Variants in PIK3AP1 observed in about 807,000 individuals in gnomAD.
The protein encoded by PIK3AP1 is phosphoinositide-3-kinase adaptor protein 1.
In PIK3AP1, 21 loss-of-function variants were observed where a neutral mutation model predicts 88.1. That is an observed-to-expected ratio of 0.24 (90% confidence interval 0.17 to 0.34). The LOEUF is 0.34. PIK3AP1 is among the 10% of genes least tolerant of loss of function. The probability of loss-of-function intolerance (pLI) is 1.00; values close to 1 mark genes in which losing one functional copy is unlikely to be tolerated. For missense variants in PIK3AP1, 828 were observed against 1,035.7 expected (o/e 0.80, Z 2.75); for synonymous variants, 398 against 400.0 (o/e 1.00, Z 0.06).
intron 8 of PIK3AP1, among the ~76,000 whole-genome samples, chr10:96,636,529 TCTAGA>T (rs1301767163): frequency 2.0e-5 from 3 of 152,190 alleles, no homozygotes; most frequent in Non-Finnish European, 4.4e-5. Context: ...GGAGTCTGTT[TCTAGA>T]CAAAGAGCAT....
chr10:96,673,519 T>G (rs1843876311), intron 2 of PIK3AP1, among the ~76,000 whole-genome samples: 1 of 152,192 alleles, frequency 6.6e-6, no homozygotes, highest in South Asian at 2.1e-4. Context: ...AGGCTTCCTC[T>G]TTCTTCATCT....
intron 11 of PIK3AP1, among the ~76,000 whole-genome samples, chr10:96,622,596 T>C (rs958276260): frequency 6.6e-6 from 1 of 152,222 alleles, no homozygotes; most frequent in African/African-American, 2.4e-5. Flanking sequence ...TCTGCCCTTG[T>C]CAAGGCTCTC....
chr10:96,663,690 T>C (rs958335882), intron 2 of PIK3AP1, among the ~76,000 whole-genome samples: 17 of 146,964 alleles, frequency 1.2e-4, no homozygotes, highest in African/African-American at 4.3e-4. Context: ...GTTTAAAAAT[T>C]TGAAGTAAAA....
intron 2 of PIK3AP1, among the ~76,000 whole-genome samples, chr10:96,661,380 C>T (rs1843683808): frequency 6.6e-6 from 1 of 152,150 alleles, no homozygotes; most frequent in Non-Finnish European, 1.5e-5. Flanking sequence ...TGTTATTAGA[C>T]ATTTGTCCAC....
intron 2 of PIK3AP1, among the ~76,000 whole-genome samples, chr10:96,680,414 A>G (rs543262587): frequency 2.0e-4 from 31 of 152,250 alleles, no homozygotes; most frequent in Admixed American, 6.5e-4. Flanking sequence ...CCAGGTACTA[A>G]GCCTAGTATC....
chr10:96,603,205 T>A (rs1848934371), intron 15 of PIK3AP1, among the ~76,000 whole-genome samples: 1 of 152,230 alleles, frequency 6.6e-6, no homozygotes, highest in South Asian at 2.1e-4. Context: ...CATTTTAAAG[T>A]GGACAATTCA....
rs33921990 is a variant in PIK3AP1 at position 96,629,714 on chromosome 10, C to CAAAAA, written c.1376-1226_1376-1222dup. On this transcript the variant is annotated intron_variant, in intron 8 of 16. Coordinates refer to ENST00000339364, the MANE Select transcript of PIK3AP1 (RefSeq NM_152309.3). Reference sequence around the variant, plus strand: ...GCAACACAGTGAGACCCCATCTCTACAAAAAAAAAAAAAAAAAAAGACAGA... The same window carrying CAAAAA: ...GCAACACAGTGAGACCCCATCTCTACAAAAAAAAAAAAAAAAAAAAAAAAGACAGA... 7.0e-4 allele frequency among the ~76,000 whole-genome samples: 50 copies of CAAAAA among 71,152 alleles called. 1 individual carries two copies. Among genetic ancestry groups the CAAAAA allele is most frequent in the Middle Eastern group, 0.012 (1 of 86 alleles). The allele number at this position is 71,152 out of a possible 152,430, so 46.7% of individuals were successfully genotyped here. A position where few individuals can be genotyped will look rare whatever the true frequency, so the allele number is the denominator to read the frequency against.
At chr10:96,601,955 C>A (rs1160625306) in intron 16 of PIK3AP1, among the ~76,000 whole-genome samples, 1 of 152,188 alleles carries the variant, frequency 6.6e-6, no homozygotes. Context: ...ATGATCTCGG[C>A]TCACTGCAAC....
intron 2 of PIK3AP1, among the ~76,000 whole-genome samples, chr10:96,696,632 T>C (rs961393294): frequency 4.6e-5 from 7 of 152,200 alleles, no homozygotes; most frequent in Admixed American, 2.6e-4. Flanking sequence ...CCCCATTATC[T>C]TTCTATGAAC....
intron 11 of PIK3AP1, chr10:96,620,860 C>G: frequency 3.4e-6 from 1 of 290,110 alleles, no homozygotes; most frequent in South Asian, 5.1e-5. Flanking sequence ...TTTCATTTTT[C>G]TGGTAAGAAA....
In PIK3AP1 at chr10:96,624,661, CAA is replaced by C. The variant is rs5787202; in HGVS notation, c.1670-1126_1670-1125del. Reference sequence around the variant, plus strand: ...TGGGCAACACAGCAAGACCCTGTCTCAAAAAAAAAAAAAAGAAAGGTGAAATG... The same window carrying C: ...TGGGCAACACAGCAAGACCCTGTCTCAAAAAAAAAAAAGAAAGGTGAAATG... On this transcript the variant is annotated intron_variant, in intron 10 of 16. Coordinates refer to ENST00000339364, the MANE Select transcript of PIK3AP1 (RefSeq NM_152309.3). Among the ~76,000 whole-genome samples the C allele has an allele frequency of 6.0e-3, 840 of 139,268 alleles. 5 individuals carry two copies. The highest frequency in any genetic ancestry group is 0.011 in the African/African-American group (410 of 37,904). 91.4% of individuals were successfully genotyped at this position (139,268 alleles called of 152,430 possible).
chr10:96,682,168 CCTT>C (rs1348401842), intron 2 of PIK3AP1, among the ~76,000 whole-genome samples: 2 of 152,052 alleles, frequency 1.3e-5, no homozygotes, highest in Non-Finnish European at 2.9e-5. Flanking sequence ...CTTAAGTGTC[CCTT>C]CTTAGATTAA....
At chr10:96,637,932 C>A (rs11188863) in intron 8 of PIK3AP1, among the ~76,000 whole-genome samples, 39,917 of 152,066 alleles carry the variant, frequency 0.26, 5,582 homozygotes, top group East Asian at 0.42. Flanking sequence ...CTGCTCTCCC[C>A]TTGGGTTCTC....
chr10:96,662,167 G>A (rs1265457724), intron 2 of PIK3AP1, among the ~76,000 whole-genome samples: 1 of 152,240 alleles, frequency 6.6e-6, no homozygotes, highest in East Asian at 1.9e-4. Flanking sequence ...GGTGGAAACA[G>A]CCCAAATGTC....
At chr10:96,643,849 C>T (rs1232187890) in intron 8 of PIK3AP1, among the ~76,000 whole-genome samples, 1 of 152,200 alleles carries the variant, frequency 6.6e-6, no homozygotes, top group Non-Finnish European at 1.5e-5. Context: ...TTGTAACACT[C>T]AATATAGCCC....
intron 4 of PIK3AP1, among the ~76,000 whole-genome samples, chr10:96,652,073 C>T (rs1235861707): frequency 6.6e-6 from 1 of 151,852 alleles, no homozygotes; most frequent in Admixed American, 6.6e-5. Flanking sequence ...CACTGCAAGT[C>T]ATGAGCTGCT....
chr10:96,704,639 AC>A (rs1188899791), intron 2 of PIK3AP1, among the ~76,000 whole-genome samples: 1 of 151,880 alleles, frequency 6.6e-6, no homozygotes, highest in Admixed American at 6.6e-5. Flanking sequence ...AATTGCTCGA[AC>A]CCAGGGAGGC....
Position 96,595,495 on chromosome 10 carries a change from A to G in PIK3AP1, c.*82T>C. ...TCTTAAGGTCAACAGTCATGCTATA[A>G]AACTCAACATGAAGACATCATTAAC... is the stretch of plus-strand genomic sequence containing the variant. On this transcript the variant is annotated 3_prime_UTR_variant, in exon 17 of 17. Transcript: ENST00000339364. 7.2e-7 allele frequency: 1 copy of G among 1,388,144 alleles called. No homozygotes were observed. The highest frequency in any genetic ancestry group is 1.0e-6 in the Non-Finnish European group (1 of 979,638). 86.0% of individuals were successfully genotyped at this position (1,388,144 alleles called of 1,614,324 possible). A position where few individuals can be genotyped will look rare whatever the true frequency, so the allele number is the denominator to read the frequency against.
intron 2 of PIK3AP1, among the ~76,000 whole-genome samples, chr10:96,665,358 G>A (rs887209208): frequency 2.6e-5 from 4 of 152,166 alleles, no homozygotes; most frequent in Admixed American, 1.3e-4. Context: ...AGGAACGAGC[G>A]AACATTGGTA....
Sources: gnomAD v4.1 joint callset for allele counts (sites outside exome capture counted in the v4.1 genomes callset) on GRCh38, gnomAD v4.1.1 for gene constraint, MANE v1.5 for transcripts, NCBI Gene and HGNC (gene_info 2026-07-23, HGNC 2026-07-21) for gene names.